The following CADPS variants were observed in gnomAD, a reference collection of about 807,000 sequenced individuals.
CADPS encodes the protein calcium-dependent secretion activator 1.
Under a neutral mutation model 167.3 loss-of-function variants are expected in CADPS, and 57 were observed. The ratio of observed to expected loss-of-function variants is 0.34; its 90% CI spans 0.28 to 0.42. The LOEUF (loss-of-function observed/expected upper bound fraction) is 0.42, where lower values mean the gene tolerates loss of function less well. Among genes scored for constraint, CADPS ranks in the 20% least tolerant of loss-of-function variants. The pLI is 1.00. For missense variants in CADPS, 1,414 were observed against 1,738.1 expected (o/e 0.81, Z 3.32); for synonymous variants, 676 against 635.3 (o/e 1.06, Z -0.96).
intron 4 of CADPS, among the ~76,000 whole-genome samples, chr3:62,651,832 C>T (rs1440248257): frequency 6.6e-6 from 1 of 152,196 alleles, no homozygotes; most frequent in African/African-American, 2.4e-5. Flanking sequence ...GAAACATAAA[C>T]TTGCCCTCCC....
chr3:62,510,675 G>C (rs938738077), intron 17 of CADPS, among the ~76,000 whole-genome samples: 5 of 152,010 alleles, frequency 3.3e-5, no homozygotes, highest in Non-Finnish European at 7.4e-5. Flanking sequence ...TCTGACTAAA[G>C]GACTCAGCAG....
Position 62,401,481 on chromosome 3 carries a change from A to G in CADPS, c.3882+1600T>C, listed in dbSNP as rs534373050. 3.9e-5 allele frequency among the ~76,000 whole-genome samples: 6 copies of G among 152,374 alleles called. No homozygotes were observed. In the South Asian group the frequency reaches 1.2e-3, roughly 32 times the overall value. On this transcript the variant is annotated intron_variant, in intron 29 of 29. Transcript: ENST00000383710. ...TATCCAATGTTGAATGAATAAATAA[A>G]TGCTTGCTGAATAATAAATGAATGG...
chr3:62,721,669 T>C (rs2075859521), intron 3 of CADPS, among the ~76,000 whole-genome samples: 1 of 152,186 alleles, frequency 6.6e-6, no homozygotes, highest in Non-Finnish European at 1.5e-5. Context: ...ACATTAACTA[T>C]TTTCAGTTAA....
At chr3:62,619,969 C>T (rs1183850799) in intron 6 of CADPS, among the ~76,000 whole-genome samples, 1 of 151,984 alleles carries the variant, frequency 6.6e-6, no homozygotes. Context: ...TATTTTGTTG[C>T]CTTTGTTTGG....
intron 6 of CADPS, among the ~76,000 whole-genome samples, chr3:62,604,699 G>C (rs2060449253): frequency 6.6e-6 from 1 of 152,208 alleles, no homozygotes; most frequent in Non-Finnish European, 1.5e-5. Context: ...CTCCCCCTTT[G>C]TTGTAAAAGG....
intron 3 of CADPS, among the ~76,000 whole-genome samples, chr3:62,683,875 T>C (rs2077534515): frequency 6.6e-6 from 1 of 152,026 alleles, no homozygotes; most frequent in African/African-American, 2.4e-5. Flanking sequence ...GTTTGGGGGA[T>C]GAAGACTACA....
intron 3 of CADPS, among the ~76,000 whole-genome samples, chr3:62,720,337 G>GTTTT (rs139093687): frequency 7.3e-5 from 10 of 137,750 alleles, no homozygotes; most frequent in African/African-American, 2.1e-4. Flanking sequence ...TTGTTTGTTT[G>GTTTT]TTTGTTTTTT....
chr3:62,724,366 A>G (rs1328592901), intron 3 of CADPS, among the ~76,000 whole-genome samples: 2 of 152,186 alleles, frequency 1.3e-5, no homozygotes, highest in East Asian at 1.9e-4. Flanking sequence ...CATGCAGCTC[A>G]GAAGTTCCCA....
At chr3:62,594,424 G>A (rs941253165) in intron 6 of CADPS, among the ~76,000 whole-genome samples, 1 of 152,140 alleles carries the variant, frequency 6.6e-6, no homozygotes, top group East Asian at 1.9e-4. Context: ...GCCTCCCAAA[G>A]TGCTGGGATT....
intron 10 of CADPS, among the ~76,000 whole-genome samples, chr3:62,556,841 GTCT>G (rs1220644513): frequency 6.6e-6 from 1 of 151,792 alleles, no homozygotes; most frequent in Non-Finnish European, 1.5e-5. Context: ...GTGGATTGGT[GTCT>G]TCTTAGGGAA....
chr3:62,416,300 C>T (rs2050049638), intron 28 of CADPS, among the ~76,000 whole-genome samples: 1 of 152,184 alleles, frequency 6.6e-6, no homozygotes, highest in African/African-American at 2.4e-5. Context: ...TTATTATGTG[C>T]TTTAATGCTC....
At chr3:62,790,086 T>C (rs1209837542) in intron 1 of CADPS, among the ~76,000 whole-genome samples, 1 of 152,290 alleles carries the variant, frequency 6.6e-6, no homozygotes, top group African/African-American at 2.4e-5. Context: ...CTTTAAAATA[T>C]GTGATTTTTG....
chr3:62,697,305 T>A (rs2080490541), intron 3 of CADPS, among the ~76,000 whole-genome samples: 1 of 152,040 alleles, frequency 6.6e-6, no homozygotes, highest in Admixed American at 6.6e-5. Context: ...ATTGTGTAAT[T>A]CTTATGCCTT....
Position 62,599,778 on chromosome 3 carries a change from T to TAAC in CADPS, c.1326-7031_1326-7030insGTT, listed in dbSNP as rs1453824366. Among the ~76,000 whole-genome samples, 3 of 13,906 alleles carry TAAC rather than the reference T, an allele frequency of 2.2e-4. 1 individual carries two copies. Among genetic ancestry groups the TAAC allele is most frequent in the Non-Finnish European group, 3.7e-4 (3 of 8,200 alleles). The allele number at this position is 13,906 out of a possible 152,430, so 9.1% of individuals were successfully genotyped here. A position where few individuals can be genotyped will look rare whatever the true frequency, so the allele number is the denominator to read the frequency against. On this transcript the variant is annotated intron_variant, in intron 6 of 29. Transcript: ENST00000383710. ...ATATATATTGTATATATAATATATA[T>TAAC]ATTATATATAATATATATAATATAT... is the stretch of plus-strand genomic sequence containing the variant.
intron 1 of CADPS, among the ~76,000 whole-genome samples, chr3:62,797,651 A>G (rs151315942): frequency 0.011 from 1,722 of 152,044 alleles, 30 homozygotes; most frequent in African/African-American, 0.039. Context: ...ACAACACACA[A>G]TGGGGCCTGT....
chr3:62,401,678 A>T (rs2149030670), intron 29 of CADPS, among the ~76,000 whole-genome samples: 1 of 151,408 alleles, frequency 6.6e-6, no homozygotes, highest in African/African-American at 2.4e-5. Flanking sequence ...GCTAAAGTGA[A>T]GGGGTTCCTT....
intron 1 of CADPS, among the ~76,000 whole-genome samples, chr3:62,802,407 T>C (rs1455583683): frequency 3.9e-5 from 6 of 152,220 alleles, no homozygotes; most frequent in Admixed American, 6.5e-5. Context: ...TCACTTCTAC[T>C]CATTCTTCAA....
intron 1 of CADPS, among the ~76,000 whole-genome samples, chr3:62,790,619 A>T (rs2092849142): frequency 6.6e-6 from 1 of 152,226 alleles, no homozygotes; most frequent in Non-Finnish European, 1.5e-5. Context: ...AACTACCAAG[A>T]ACTTCAGATT....
In CADPS at chr3:62,686,188, A is replaced by G. The variant is rs190784195; in HGVS notation, c.889-23794T>C. 3.7e-3 allele frequency among the ~76,000 whole-genome samples: 563 copies of G among 152,174 alleles called. 8 individuals are homozygous for G. Among genetic ancestry groups the G allele is most frequent in the African/African-American group, 0.012 (511 of 41,482 alleles). ...TAAGAAAATAAGTTAACTATATTCCAGTGAGCAAACAAACAAACAAAAAAC... is the reference window on the plus strand; with the variant it reads ...TAAGAAAATAAGTTAACTATATTCCGGTGAGCAAACAAACAAACAAAAAAC... On this transcript the variant is annotated intron_variant, in intron 3 of 29. Transcript: ENST00000383710.
Sources: gnomAD v4.1 joint callset for allele counts (sites outside exome capture counted in the v4.1 genomes callset) on GRCh38, gnomAD v4.1.1 for gene constraint, MANE v1.5 for transcripts, NCBI Gene and HGNC (gene_info 2026-07-23, HGNC 2026-07-21) for gene names.